The following USP4 variants were observed in gnomAD, a reference collection of about 807,000 sequenced individuals.
USP4 encodes the protein ubiquitin carboxyl-terminal hydrolase 4.
In USP4, 72 loss-of-function variants were observed where a neutral mutation model predicts 118.2. The observed-to-expected ratio is 0.61, with a 90% CI of 0.50 to 0.74. USP4 has a LOEUF of 0.74. Among genes scored for constraint, USP4 ranks in the 30% least tolerant of loss-of-function variants. USP4 has a pLI of 0.00. For synonymous variants in USP4, 415 were observed against 440.4 expected, an observed-to-expected ratio of 0.94 and a Z score of 0.72; for missense variants, 1,037 against 1,185.7, an observed-to-expected ratio of 0.87 and a Z score of 1.84.
At chr3:49,301,644 C>T (rs931753091) in intron 10 of USP4, among the ~76,000 whole-genome samples, 3 of 152,010 alleles carry the variant, frequency 2.0e-5, no homozygotes, top group African/African-American at 4.8e-5. Flanking sequence ...GCCAAGATCA[C>T]GTCATTGCAC....
intron 11 of USP4, among the ~76,000 whole-genome samples, chr3:49,299,235 G>C (rs35315839): frequency 6.6e-6 from 1 of 151,134 alleles, no homozygotes; most frequent in African/African-American, 2.4e-5. Context: ...GATTACAGGC[G>C]CGCACCACCA....
At chr3:49,303,038 T>C (rs746271497) in intron 9 of USP4, among the ~76,000 whole-genome samples, 29 of 152,092 alleles carry the variant, frequency 1.9e-4, no homozygotes, top group Non-Finnish European at 3.4e-4. Flanking sequence ...GGGAGCTTAG[T>C]AGAAAAGCAC....
intron 10 of USP4, 37 bp downstream of exon 10, chr3:49,302,347 T>C: frequency 1.9e-6 from 3 of 1,602,684 alleles, no homozygotes; most frequent in South Asian, 1.1e-5. Flanking sequence ...GGCAGCTTCT[T>C]TGGCATATTA....
chr3:49,283,100 T>C (rs1233175734), intron 19 of USP4, among the ~76,000 whole-genome samples: 9 of 146,706 alleles, frequency 6.1e-5, no homozygotes, highest in African/African-American at 1.8e-4. Flanking sequence ...ACTGCAACTT[T>C]TGCCTCCTAG....
chr3:49,325,303 G>T (rs954544226), intron 4 of USP4, among the ~76,000 whole-genome samples: 2 of 151,756 alleles, frequency 1.3e-5, no homozygotes, highest in African/African-American at 4.8e-5. Flanking sequence ...GCTTATCTTT[G>T]GAGTTAACTC....
chr3:49,280,702 C>G (rs1266217107), intron 20 of USP4, 42 bp downstream of exon 20: 1 of 1,539,666 alleles, frequency 6.5e-7, no homozygotes, highest in Admixed American at 1.7e-5. Context: ...GATGGCCGAG[C>G]ACATTTCAAC....
intron 13 of USP4, 117 bp from the exon 14 acceptor site, chr3:49,294,715 T>A: frequency 1.0e-6 from 1 of 994,882 alleles, no homozygotes; most frequent in Non-Finnish European, 1.5e-6. Flanking sequence ...CATATTTGAG[T>A]AGAAAAGGTG....
chr3:49,277,150 C>T lies in USP4; in HGVS notation c.*1143G>A, dbSNP rs764993697. 333 of 1,438,028 alleles carry T rather than the reference C, an allele frequency of 2.3e-4. No individual in the cohort carries two copies. Among genetic ancestry groups the T allele is most frequent in the Non-Finnish European group, 2.9e-4 (319 of 1,084,126 alleles). 89.1% of individuals were successfully genotyped at this position (1,438,028 alleles called of 1,614,324 possible). The stretch of plus-strand genomic sequence containing the variant: ...GGCCGCTGGCCCTACCGGCACCCCC[C>T]CTTTGGCGAGTCGGCAGCCACGTCC... On this transcript the variant is annotated 3_prime_UTR_variant, in exon 22 of 22. Transcript: ENST00000265560.
chr3:49,298,545 G>A lies in USP4; in HGVS notation c.1596+7C>T, dbSNP rs373702873. The A allele has an allele frequency of 1.8e-4, 287 of 1,613,704 alleles. No individual in the cohort carries two copies. The highest frequency in any genetic ancestry group is 2.1e-4 in the South Asian group (19 of 91,084). ...TAGACCGAGTGCCACTGATCACCCC[G>A]CCTTACATTTTCTGCAGCAATGCCA... On this transcript the variant is annotated splice_region_variant and intron_variant, in intron 12 of 21. Transcript: ENST00000265560.
chr3:49,317,246 C>T, intron 6 of USP4: 1 of 1,541,674 alleles, frequency 6.5e-7, no homozygotes, highest in Non-Finnish European at 8.9e-7. Flanking sequence ...CTGCAAGAGG[C>T]AATCTTGCGT....
At chr3:49,326,756 C>T (rs2047559878) in intron 3 of USP4, among the ~76,000 whole-genome samples, 1 of 144,502 alleles carries the variant, frequency 6.9e-6, no homozygotes, top group Non-Finnish European at 1.5e-5. Context: ...GGCTGCAGTA[C>T]AGTGGGGTGA....
chr3:49,321,225 A>T (rs936446581), intron 6 of USP4, among the ~76,000 whole-genome samples: 6 of 152,182 alleles, frequency 3.9e-5, no homozygotes, highest in Non-Finnish European at 8.8e-5. Flanking sequence ...AGTATGTTTC[A>T]AAGTTATACA....
intron 8 of USP4, among the ~76,000 whole-genome samples, chr3:49,310,284 C>T (rs966706413): frequency 1.3e-5 from 2 of 152,170 alleles, no homozygotes; most frequent in Non-Finnish European, 2.9e-5. Flanking sequence ...TTGAGCTTGG[C>T]ATCACCTGCT....
At chr3:49,312,213 C>T (rs1435810496) in intron 6 of USP4, 1 of 251,210 alleles carries the variant, frequency 4.0e-6, no homozygotes, top group Non-Finnish European at 8.1e-6. Context: ...AATCCCAGCA[C>T]TTTGGGAGGC....
Position 49,339,938 on chromosome 3 carries a change from T to A in USP4, c.87A>T (p.Gln29His). The change falls in exon 1 of 22, where the codon CAA becomes CAT. Residue 29 changes from glutamine (Q) to histidine (H), a missense_variant. By Grantham distance (24) the Gln-to-His change is conservative (BLOSUM62 0). This residue lies in a region of USP4 where 487 missense variants were observed against 534.1 expected (regional missense o/e 0.91). Coordinates refer to ENST00000265560, the MANE Select transcript of USP4 (RefSeq NM_003363.4). ...ELGPLMRTTL[Q>H]RGAQWYLIDS... ...CGGGAGCTCACCACTGCGCCCCGCG[T>A]TGGAGTGTGGTCCTCATTAAGGGTC... 1.2e-6 allele frequency: 2 copies of A among 1,613,206 alleles called. No individual in the cohort carries two copies. Among genetic ancestry groups the A allele is most frequent in the Non-Finnish European group, 1.7e-6 (2 of 1,179,798 alleles).
At chr3:49,280,078 C>T (rs2047002004) in intron 20 of USP4, among the ~76,000 whole-genome samples, 1 of 151,988 alleles carries the variant, frequency 6.6e-6, no homozygotes, top group Admixed American at 6.6e-5. Flanking sequence ...GCCTGGGCAA[C>T]ATGCCAAAAC....
chr3:49,339,114 T>C (rs2047705244), intron 1 of USP4, among the ~76,000 whole-genome samples: 1 of 152,162 alleles, frequency 6.6e-6, no homozygotes, highest in Non-Finnish European at 1.5e-5. Flanking sequence ...GCCACTGCAC[T>C]CCAGCTTGGG....
intron 18 of USP4, among the ~76,000 whole-genome samples, 162 bp from the exon 19 acceptor site, chr3:49,284,298 G>A (rs2047071051): frequency 6.6e-6 from 1 of 152,236 alleles, no homozygotes; most frequent in Non-Finnish European, 1.5e-5. Context: ...AAAATGGGGT[G>A]ACGGCTTTCC....
intron 9 of USP4, among the ~76,000 whole-genome samples, chr3:49,304,802 C>T (rs1343836739): frequency 6.6e-6 from 1 of 151,598 alleles, no homozygotes; most frequent in Non-Finnish European, 1.5e-5. Context: ...CTCACTCTGT[C>T]GCTCAGGCTG....
Sources: allele counts gnomAD v4.1 joint callset (sites outside exome capture counted in the v4.1 genomes callset), GRCh38; gene constraint gnomAD v4.1.1; regional missense constraint gnomAD v4.1.1; transcripts MANE v1.5; gene names NCBI Gene and HGNC (gene_info 2026-07-23, HGNC 2026-07-21).